The following NPY1R variants were observed in gnomAD, a reference collection of about 807,000 sequenced individuals.
The protein encoded by NPY1R is neuropeptide Y receptor Y1.
Under a neutral mutation model 24.1 loss-of-function variants are expected in NPY1R, and 10 were observed. The ratio of observed to expected loss-of-function variants is 0.42; its 90% confidence interval spans 0.26 to 0.71. NPY1R has a LOEUF of 0.71. Ranked by LOEUF, NPY1R falls within the 30% of genes least tolerant of loss-of-function variation. NPY1R has a pLI of 0.28. For synonymous variants in NPY1R, 168 were observed against 165.9 expected, an observed-to-expected ratio of 1.01 and a Z score of -0.10; for missense variants, 350 against 458.0, an observed-to-expected ratio of 0.76 and a Z score of 2.15.
At chr4:163,343,058 T>C (rs1017321353) in intron 1 of NPY1R, among the ~76,000 whole-genome samples, 1 of 150,130 alleles carries the variant, frequency 6.7e-6, no homozygotes, top group African/African-American at 2.5e-5. Flanking sequence ...AATGATTAGC[T>C]AAAAATAAAG....
chr4:163,341,147 T>C (rs4487297), intron 1 of NPY1R, among the ~76,000 whole-genome samples: 126,764 of 151,772 alleles, frequency 0.84, 54,011 homozygotes, highest in East Asian at 0.99. Flanking sequence ...GGCTCCTCAT[T>C]TGAAGTCCTA....
intron 1 of NPY1R, among the ~76,000 whole-genome samples, chr4:163,342,981 GACAC>G (rs142715363): frequency 0.1 from 14,091 of 139,026 alleles, 832 homozygotes; most frequent in Admixed American, 0.16. Context: ...CTCTCTCACA[GACAC>G]ACACACACAC....
At chr4:163,328,035 T>C (rs1229746583) in intron 1 of NPY1R, among the ~76,000 whole-genome samples, 1 of 151,746 alleles carries the variant, frequency 6.6e-6, no homozygotes, top group Non-Finnish European at 1.5e-5. Context: ...TGCCTTTTAC[T>C]TAATGCCTCT....
At chr4:163,340,414 A>T (rs1302039001) in intron 1 of NPY1R, among the ~76,000 whole-genome samples, 3 of 151,976 alleles carry the variant, frequency 2.0e-5, no homozygotes, top group African/African-American at 7.2e-5. Context: ...TGAATACATG[A>T]AATATAGTTA....
At position 163,326,041 on chromosome 4, in the gene NPY1R, G is replaced by A. The variant is rs1489614164; in HGVS notation, c.514C>T (p.Pro172Ser). Reference sequence around the variant, plus strand: ...GTCATTACTTGGTAGATCAGGAAAGGCAAAGAAGAAGCCACAGCAAGGACC... The same window carrying A: ...GTCATTACTTGGTAGATCAGGAAAGACAAAGAAGAAGCCACAGCAAGGACC... ...IWVLAVASSLPFLIYQVMTDE... is the reference protein window; with the variant it reads ...IWVLAVASSLSFLIYQVMTDE... The change falls in exon 2 of 3, where the codon CCT becomes TCT. Residue 172 changes from proline (P) to serine (S), a missense_variant. Pro to Ser is a moderately conservative substitution (Grantham distance 74). Coordinates refer to ENST00000296533, the MANE Select transcript of NPY1R (RefSeq NM_000909.6). 6.2e-7 allele frequency: 1 copy of A among 1,614,086 alleles called. No individual in the cohort carries two copies. Among genetic ancestry groups the A allele is most frequent in the Non-Finnish European group, 8.5e-7 (1 of 1,179,986 alleles).
At chr4:163,328,450 A>C (rs1031309810) in intron 1 of NPY1R, among the ~76,000 whole-genome samples, 1 of 152,254 alleles carries the variant, frequency 6.6e-6, no homozygotes, top group African/African-American at 2.4e-5. Context: ...TTAAGTTGCT[A>C]CAGAGATATT....
chr4:163,333,875 T>C (rs957416527), upstream of NPY1R, among the ~76,000 whole-genome samples: 1 of 152,188 alleles, frequency 6.6e-6, no homozygotes, highest in African/African-American at 2.4e-5. Flanking sequence ...TAATTAAGAA[T>C]TAAAATGTCA....
At chr4:163,334,106 C>A (rs1734789395), upstream of NPY1R, among the ~76,000 whole-genome samples, 3 of 151,946 alleles carry the variant, frequency 2.0e-5, no homozygotes, top group Admixed American at 2.0e-4. Context: ...AATATTCATT[C>A]AGGTTTCTAT....
chr4:163,343,112 C>A (rs1735047177), intron 1 of NPY1R, among the ~76,000 whole-genome samples: 1 of 151,530 alleles, frequency 6.6e-6, no homozygotes, highest in Admixed American at 6.6e-5. Flanking sequence ...GGATGGAAAT[C>A]ATGTTGGGAA....
In NPY1R at chr4:163,344,304, C is replaced by T. The variant is rs1735114505; in HGVS notation, c.-152+1G>A. The T allele has an allele frequency of 6.6e-6, 1 of 152,432 alleles. No individual in the cohort carries two copies. Among genetic ancestry groups the T allele is most frequent in the Admixed American group, 6.5e-5 (1 of 15,296 alleles). The allele number at this position is 152,432 out of a possible 1,614,324, so 9.4% of individuals were successfully genotyped here. On this transcript the variant is annotated splice_donor_variant, in intron 1 of 1. Coordinates refer to the NPY1R transcript ENST00000511901. LOFTEE classifies it low-confidence loss of function (5UTR_SPLICE). Reference sequence around the variant, plus strand: ...GCAGGTCCCTCCGGTTCCCAACTCACCCGGGTGGAGCAGGCGCGGGCCGAA... The same window carrying T: ...GCAGGTCCCTCCGGTTCCCAACTCATCCGGGTGGAGCAGGCGCGGGCCGAA...
Position 163,325,298 on chromosome 4 carries a change from T to C in NPY1R, c.*5A>G, listed in dbSNP as rs768391398. 2 of 1,595,320 alleles carry C rather than the reference T, an allele frequency of 1.3e-6. No homozygotes were observed. The highest frequency in any genetic ancestry group is 1.7e-6 in the Non-Finnish European group (2 of 1,168,242). Reference sequence around the variant, plus strand: ...GTCATCCGGGACCATAGGCTATAAGTAGTTTCAGATTTTTTCATTATCATC... The same window carrying C: ...GTCATCCGGGACCATAGGCTATAAGCAGTTTCAGATTTTTTCATTATCATC... On this transcript the variant is annotated 3_prime_UTR_variant, in exon 3 of 3. Transcript: ENST00000296533.
chr4:163,338,212 G>C (rs1385542907), intron 1 of NPY1R, among the ~76,000 whole-genome samples: 1 of 152,062 alleles, frequency 6.6e-6, no homozygotes, highest in African/African-American at 2.4e-5. Context: ...TCCCCATACT[G>C]TTTGCTTCTT....
rs781648360 is a variant in NPY1R at position 163,326,174 on chromosome 4, G to T, written c.381C>A (p.Ser127=). The T allele has an allele frequency of 6.8e-5, 109 of 1,613,954 alleles. No individual in the cohort carries two copies. The highest frequency in any genetic ancestry group is 8.2e-5 in the Non-Finnish European group (97 of 1,179,994). ...PFVQCVSITV[S]IFSLVLIAVE... is the part of the protein sequence containing the mutation. The stretch of plus-strand genomic sequence containing the variant: ...CAGCAATGAGAACCAGAGAGAAAAT[G>T]GACACAGTGATTGAAACACATTGCA... The change falls in exon 2 of 3, where the codon TCC becomes TCA. Residue 127 remains serine, a synonymous_variant. Coordinates refer to ENST00000296533, the MANE Select transcript of NPY1R (RefSeq NM_000909.6).
intron 1 of NPY1R, among the ~76,000 whole-genome samples, chr4:163,330,174 G>T (rs1449334918): frequency 1.3e-5 from 2 of 152,132 alleles, no homozygotes; most frequent in Admixed American, 1.3e-4. Flanking sequence ...TGGCAAAAAT[G>T]AATACATATA....
At position 163,325,221 on chromosome 4, in the gene NPY1R, G is replaced by A; in HGVS notation, c.*82C>T. ...CAAATGATTTCAACCCCATTCCTTG[G>A]GAGAACAGGTAATCAAAGTATGTTG... On this transcript the variant is annotated 3_prime_UTR_variant, in exon 3 of 3. Coordinates refer to ENST00000296533, the MANE Select transcript of NPY1R (RefSeq NM_000909.6). 2.1e-6 allele frequency: 2 copies of A among 971,766 alleles called. No individual in the cohort carries two copies. Among genetic ancestry groups the A allele is most frequent in the Non-Finnish European group, 3.1e-6 (2 of 640,928 alleles). The allele number at this position is 971,766 out of a possible 1,614,324, so 60.2% of individuals were successfully genotyped here.
rs1734549962 is a variant in NPY1R at position 163,324,180 on chromosome 4, T to C, written c.*1123A>G. The C allele has an allele frequency of 6.6e-6, 1 of 152,648 alleles. No homozygotes were observed. Among genetic ancestry groups the C allele is most frequent in the South Asian group, 2.1e-4 (1 of 4,834 alleles). 9.5% of individuals were successfully genotyped at this position (152,648 alleles called of 1,614,324 possible). On this transcript the variant is annotated 3_prime_UTR_variant, in exon 3 of 3. Transcript: ENST00000296533. ...TCAGTAATCTTTACAGTGCATTATT[T>C]ATAAGACGCCACAAGTCACACAGTT...
chr4:163,330,032 A>C (rs1007694787), intron 1 of NPY1R, among the ~76,000 whole-genome samples: 4 of 152,208 alleles, frequency 2.6e-5, no homozygotes, highest in Non-Finnish European at 4.4e-5. Context: ...AACACACTCA[A>C]GGAAAGAGAA....
chr4:163,334,861 G>GAAAAAA (rs545497813), upstream of NPY1R, among the ~76,000 whole-genome samples: 1 of 66,900 alleles, frequency 1.5e-5, no homozygotes, highest in South Asian at 5.0e-4. Flanking sequence ...CTCTGTTTTG[G>GAAAAAA]AAAAAAAAAA....
upstream of NPY1R, among the ~76,000 whole-genome samples, chr4:163,336,796 A>G (rs1734848156): frequency 6.6e-6 from 1 of 152,170 alleles, no homozygotes; most frequent in South Asian, 2.1e-4. Context: ...CCCTGTCTCT[A>G]CTAAAAATAT....
Sources: gnomAD v4.1 joint callset for allele counts (sites outside exome capture counted in the v4.1 genomes callset) on GRCh38, gnomAD v4.1.1 for gene constraint, MANE v1.5 for transcripts, NCBI Gene and HGNC (gene_info 2026-07-23, HGNC 2026-07-21) for gene names.